The following PLEKHA2 variants were observed in gnomAD, a reference collection of about 807,000 sequenced individuals.
The protein encoded by PLEKHA2 is pleckstrin homology domain-containing family A member 2.
PLEKHA2 carries 28 observed loss-of-function variants against 53.2 expected under a neutral mutation model. That is an observed-to-expected ratio of 0.53 (90% confidence interval 0.39 to 0.72). The LOEUF is 0.72. Ranked by LOEUF, PLEKHA2 falls within the 30% of genes least tolerant of loss-of-function variation. The pLI, the probability that PLEKHA2 is intolerant of heterozygous loss-of-function variation, is 0.00. For synonymous variants in PLEKHA2, 193 were observed against 196.4 expected (o/e 0.98, Z 0.14); for missense variants, 426 against 537.9 (o/e 0.79, Z 2.06).
At position 38,941,302 on chromosome 8, in the gene PLEKHA2, G is replaced by A. The variant is rs145777532; in HGVS notation, c.199-2487G>A. On this transcript the variant is annotated intron_variant, in intron 3 of 11. Coordinates refer to ENST00000617275, the MANE Select transcript of PLEKHA2 (RefSeq NM_021623.2). Reference sequence around the variant, plus strand: ...AACTCCTTACCTCAAGTGATCCACCGGCTGTGGCCTCCCAAAGTACTGGGA... The same window carrying A: ...AACTCCTTACCTCAAGTGATCCACCAGCTGTGGCCTCCCAAAGTACTGGGA... 2.7e-3 allele frequency among the ~76,000 whole-genome samples: 409 copies of A among 152,212 alleles called. 3 individuals are homozygous for A. Among genetic ancestry groups the A allele is most frequent in the Non-Finnish European group, 4.9e-3 (335 of 68,012 alleles).
At position 38,952,750 on chromosome 8, in the gene PLEKHA2, G is replaced by C. The variant is rs770140365; in HGVS notation, c.702+46G>C. On this transcript the variant is annotated intron_variant, in intron 8 of 11. Coordinates refer to ENST00000617275, the MANE Select transcript of PLEKHA2 (RefSeq NM_021623.2). ...CCTTCTGAGAGGTCATGGAAACTAA[G>C]AGGTGCATAGGTGCACACCCACAGG... The C allele has an allele frequency of 1.7e-5, 27 of 1,570,264 alleles. 1 individual carries two copies. In the South Asian group the frequency reaches 3.0e-4, roughly 18 times the overall value.
chr8:38,960,221 G>A (rs1209657481), intron 10 of PLEKHA2, among the ~76,000 whole-genome samples: 1 of 152,194 alleles, frequency 6.6e-6, no homozygotes, highest in Non-Finnish European at 1.5e-5. Flanking sequence ...GTAAACGAGA[G>A]GGAGGACAAA....
At chr8:38,920,311 C>T (rs1455682420) in intron 2 of PLEKHA2, among the ~76,000 whole-genome samples, 8 of 152,046 alleles carry the variant, frequency 5.3e-5, no homozygotes, top group South Asian at 2.1e-4. Context: ...CCACCACGCC[C>T]AGCTAATTTT....
chr8:38,904,964 A>T (rs1165980727), intron 1 of PLEKHA2, among the ~76,000 whole-genome samples: 1 of 152,208 alleles, frequency 6.6e-6, no homozygotes, highest in Non-Finnish European at 1.5e-5. Context: ...CAGCCTTTGA[A>T]GTAGGTAAAG....
chr8:38,940,311 A>G (rs1834580622), intron 3 of PLEKHA2, among the ~76,000 whole-genome samples: 1 of 152,002 alleles, frequency 6.6e-6, no homozygotes, highest in South Asian at 2.1e-4. Context: ...AGGCAGGAGA[A>G]TCGCTTGAAC....
At chr8:38,904,934 A>G (rs1382736197) in intron 1 of PLEKHA2, among the ~76,000 whole-genome samples, 1 of 152,208 alleles carries the variant, frequency 6.6e-6, no homozygotes, top group African/African-American at 2.4e-5. Context: ...TTCACACATT[A>G]TTTCATTTAA....
chr8:38,907,364 C>G (rs533209128), intron 1 of PLEKHA2, among the ~76,000 whole-genome samples: 1 of 152,290 alleles, frequency 6.6e-6, no homozygotes, highest in African/African-American at 2.4e-5. Context: ...GCAGAGTCTC[C>G]CATATTTCCC....
At chr8:38,968,463 C>CTAGA (rs1207838993) in intron 10 of PLEKHA2, 129 bp from the exon 11 acceptor site, 1 of 768,730 alleles carries the variant, frequency 1.3e-6, no homozygotes, top group Non-Finnish European at 2.2e-6. Flanking sequence ...AGCTACTGGA[C>CTAGA]TAGATGATTT....
Position 38,969,803 on chromosome 8 carries a change from A to T in PLEKHA2, c.*20A>T, listed in dbSNP as rs759422033. The T allele has an allele frequency of 9.8e-4, 343 of 351,750 alleles. No individual in the cohort carries two copies. The highest frequency in any genetic ancestry group is 8.8e-3 in the Middle Eastern group (15 of 1,710). 21.8% of individuals were successfully genotyped at this position (351,750 alleles called of 1,614,324 possible). Reference sequence around the variant, plus strand: ...GTGTGATGGAGCACAGTGCCATGGGAGGGAGGGAGGGAGGGAGGACTTGAG... The same window carrying T: ...GTGTGATGGAGCACAGTGCCATGGGTGGGAGGGAGGGAGGGAGGACTTGAG... On this transcript the variant is annotated 3_prime_UTR_variant, in exon 12 of 12. Coordinates refer to ENST00000617275, the MANE Select transcript of PLEKHA2 (RefSeq NM_021623.2).
At chr8:38,964,249 G>A (rs1341549546) in intron 10 of PLEKHA2, among the ~76,000 whole-genome samples, 1 of 152,156 alleles carries the variant, frequency 6.6e-6, no homozygotes, top group Non-Finnish European at 1.5e-5. Context: ...AAATATTTTA[G>A]AGCAGCGATC....
intron 2 of PLEKHA2, among the ~76,000 whole-genome samples, chr8:38,934,940 A>G (rs1046761219): frequency 2.6e-5 from 4 of 152,182 alleles, no homozygotes; most frequent in Non-Finnish European, 5.9e-5. Context: ...CACAAAAACT[A>G]TAACAGCTCA....
At chr8:38,938,514 G>A (rs1395959930) in intron 3 of PLEKHA2, among the ~76,000 whole-genome samples, 2 of 152,230 alleles carry the variant, frequency 1.3e-5, no homozygotes, top group African/African-American at 4.8e-5. Flanking sequence ...GACAGGGTGG[G>A]GCTGGCCCTA....
chr8:38,944,422 C>A (rs1437161127), intron 4 of PLEKHA2, among the ~76,000 whole-genome samples: 2 of 151,760 alleles, frequency 1.3e-5, no homozygotes, highest in East Asian at 3.9e-4. Context: ...GAGGCTAAGG[C>A]AGGAGAATCT....
Position 38,957,382 on chromosome 8 carries a change from T to G in PLEKHA2, c.833T>G (p.Val278Gly). The G allele has an allele frequency of 6.2e-7, 1 of 1,612,282 alleles. No homozygotes were observed. Among genetic ancestry groups the G allele is most frequent in the Non-Finnish European group, 8.5e-7 (1 of 1,178,356 alleles). Residue 278 changes from valine (V) to glycine (G), a missense_variant, in exon 10 of 12, where the codon GTA becomes GGA. By Grantham distance (109) the Val-to-Gly change is moderately radical. Coordinates refer to ENST00000617275, the MANE Select transcript of PLEKHA2 (RefSeq NM_021623.2). ...ATAACAAGCTCCAGGACCTTCTACG[T>G]ACAGGTAAAATGCTCCCTTCCAGAA... ...EIITSSRTFY[V>G]QADSPEDMHS...
At chr8:38,931,718 G>A (rs1266798449) in intron 2 of PLEKHA2, among the ~76,000 whole-genome samples, 1 of 152,126 alleles carries the variant, frequency 6.6e-6, no homozygotes, top group Admixed American at 6.5e-5. Flanking sequence ...AAATTAAGGA[G>A]TCCCCTCTGT....
At chr8:38,906,851 C>G (rs1465018179) in intron 1 of PLEKHA2, among the ~76,000 whole-genome samples, 1 of 152,206 alleles carries the variant, frequency 6.6e-6, no homozygotes, top group Non-Finnish European at 1.5e-5. Context: ...TGCTGCAAAT[C>G]TGAACATATA....
At chr8:38,941,409 A>G (rs1834610698) in intron 3 of PLEKHA2, among the ~76,000 whole-genome samples, 1 of 152,356 alleles carries the variant, frequency 6.6e-6, no homozygotes, top group African/African-American at 2.4e-5. Context: ...TGAAAAATTA[A>G]TGACGTTTAC....
In PLEKHA2 at chr8:38,918,075, G is replaced by C; in HGVS notation, c.141+5G>C. 1 of 1,611,844 alleles carries C rather than the reference G, an allele frequency of 6.2e-7. No homozygotes were observed. The highest frequency in any genetic ancestry group is 2.2e-5 in the East Asian group (1 of 44,846). ...TGGTATATGGACAACCCCCAGGTGA[G>C]AGGGTCAGTGGGAAGGGGTGGGGCG... On this transcript the variant is annotated splice_donor_5th_base_variant and intron_variant, in intron 2 of 11. Transcript: ENST00000617275.
intron 5 of PLEKHA2, among the ~76,000 whole-genome samples, chr8:38,946,559 A>T (rs1333279741): frequency 6.6e-6 from 1 of 152,208 alleles, no homozygotes; most frequent in Non-Finnish European, 1.5e-5. Flanking sequence ...AAAGTCAAGT[A>T]AGGGGAAAAG....
Sources: allele counts gnomAD v4.1 joint callset (sites outside exome capture counted in the v4.1 genomes callset), GRCh38; gene constraint gnomAD v4.1.1; transcripts MANE v1.5; gene names NCBI Gene and HGNC (gene_info 2026-07-23, HGNC 2026-07-21).